Variants in NSG2 observed in about 807,000 individuals in gnomAD.
The protein encoded by NSG2 is neuronal vesicle trafficking associated 2.
Under a neutral mutation model 16.9 loss-of-function variants are expected in NSG2, and 4 were observed. The ratio of observed to expected loss-of-function variants is 0.24; its 90% CI spans 0.12 to 0.54. The LOEUF is 0.54. NSG2 is among the 20% of genes least tolerant of loss of function. NSG2 has a pLI of 0.95. For synonymous variants in NSG2, 98 were observed against 88.7 expected (o/e 1.11, Z -0.59); for missense variants, 179 against 221.1 (o/e 0.81, Z 1.21).
chr5:174,102,534 C>G (rs1760911487), intron 3 of NSG2, among the ~76,000 whole-genome samples: 1 of 152,118 alleles, frequency 6.6e-6, no homozygotes, highest in South Asian at 2.1e-4. Flanking sequence ...TTCCCTGCCC[C>G]CTTGTACATA....
At position 174,097,569 on chromosome 5, in the gene NSG2, CTGTG is replaced by C. The variant is rs554660734; in HGVS notation, c.214-6651_214-6648del. ...TGTCTGTATGTCTCTGTGTGTGTAA[CTGTG>C]TGTGTGTCTGTGTGTGTGTAACTGT... On this transcript the variant is annotated intron_variant, in intron 3 of 4. Coordinates refer to ENST00000303177, the MANE Select transcript of NSG2 (RefSeq NM_015980.5). 2.1e-5 allele frequency among the ~76,000 whole-genome samples: 3 copies of C among 142,000 alleles called. No homozygotes were observed. In the South Asian group the frequency reaches 6.7e-4, roughly 32 times the overall value. 93.2% of individuals were successfully genotyped at this position (142,000 alleles called of 152,430 possible). A position where few individuals can be genotyped will look rare whatever the true frequency, so the allele number is the denominator to read the frequency against.
intron 3 of NSG2, chr5:174,066,081 C>A: frequency 1.0e-5 from 4 of 382,472 alleles, no homozygotes; most frequent in South Asian, 5.7e-5. Context: ...GAAGCAGCTG[C>A]GTATGTGGCC....
Position 174,107,626 on chromosome 5 carries a change from C to A in NSG2, c.*121C>A. On this transcript the variant is annotated 3_prime_UTR_variant, in exon 5 of 5. Transcript: ENST00000303177. This position sits in a 1 kb window ranked among gnomAD's most constrained non-coding sequence, Gnocchi z 4.5. The stretch of plus-strand genomic sequence containing the variant: ...ATATGGGGGCGGGGGCGGGGCAGGG[C>A]AGGGTGGGGGGAAGAACGCACCAAA... The A allele has an allele frequency of 1.5e-6, 1 of 673,896 alleles. No homozygotes were observed. Among genetic ancestry groups the A allele is most frequent in the Non-Finnish European group, 2.5e-6 (1 of 397,464 alleles). 41.7% of individuals were successfully genotyped at this position (673,896 alleles called of 1,614,324 possible).
intron 3 of NSG2, among the ~76,000 whole-genome samples, chr5:174,071,691 G>T (rs1005364946): frequency 2.0e-5 from 3 of 152,268 alleles, no homozygotes; most frequent in African/African-American, 7.2e-5. Flanking sequence ...CCGCTGAATG[G>T]TCCCAGCACG....
intron 3 of NSG2, among the ~76,000 whole-genome samples, chr5:174,077,306 A>C (rs553753699): frequency 5.9e-5 from 9 of 152,310 alleles, no homozygotes; most frequent in African/African-American, 1.9e-4. Context: ...AGCCACAGTC[A>C]GAGTGTGTCT....
At chr5:174,073,161 A>G (rs907352090) in intron 3 of NSG2, among the ~76,000 whole-genome samples, 2 of 152,188 alleles carry the variant, frequency 1.3e-5, no homozygotes, top group Non-Finnish European at 2.9e-5. Flanking sequence ...CTGATAACAC[A>G]TCCTCATAAC....
At chr5:174,102,599 A>G (rs1760912974) in intron 3 of NSG2, among the ~76,000 whole-genome samples, 2 of 151,354 alleles carry the variant, frequency 1.3e-5, no homozygotes, top group South Asian at 4.2e-4. Flanking sequence ...TTAACCAATT[A>G]CTGGTTTCAG....
chr5:174,067,310 C>T (rs1760158772), intron 3 of NSG2, among the ~76,000 whole-genome samples: 1 of 151,822 alleles, frequency 6.6e-6, no homozygotes, highest in African/African-American at 2.4e-5. Context: ...CATGCTGACC[C>T]ACCAGCAAGT....
At position 174,108,815 on chromosome 5, in the gene NSG2, A is replaced by T. The variant is rs149356429; in HGVS notation, c.*1310A>T. 0.014 allele frequency: 2,142 copies of T among 152,824 alleles called. 25 individuals are homozygous for T. Among genetic ancestry groups the T allele is most frequent in the Non-Finnish European group, 0.02 (1,393 of 68,072 alleles). 9.5% of individuals were successfully genotyped at this position (152,824 alleles called of 1,614,324 possible). A position where few individuals can be genotyped will look rare whatever the true frequency, so the allele number is the denominator to read the frequency against. ...CAGCTGGGAGAATTGGTTATTTGAG[A>T]TGTGGTACTGCTTCCTCACAAGTCT... is the stretch of plus-strand genomic sequence containing the variant. On this transcript the variant is annotated 3_prime_UTR_variant, in exon 5 of 5. Transcript: ENST00000303177.
intron 3 of NSG2, 141 bp downstream of exon 3, chr5:174,064,456 C>A: frequency 1.9e-6 from 1 of 518,342 alleles, no homozygotes; most frequent in Non-Finnish European, 3.5e-6. Flanking sequence ...TGAAGCCATA[C>A]AGTCTGGCCA....
At chr5:174,069,794 T>C (rs1426965384) in intron 3 of NSG2, among the ~76,000 whole-genome samples, 1 of 151,984 alleles carries the variant, frequency 6.6e-6, no homozygotes, top group African/African-American at 2.4e-5. Flanking sequence ...AGCCAGTTCA[T>C]TGTCAGGATT....
intron 3 of NSG2, among the ~76,000 whole-genome samples, chr5:174,067,998 G>C (rs1176946391): frequency 6.6e-6 from 1 of 152,106 alleles, no homozygotes; most frequent in Non-Finnish European, 1.5e-5. Context: ...AATAGGTTTG[G>C]AGCTCAGGAT....
At position 174,104,212 on chromosome 5, in the gene NSG2, T is replaced by G; in HGVS notation, c.214-16T>G. ...GGCAGACTGAGGCTGGATGACTTAA[T>G]TTTGTATTCCTCCAGGTCACCATCC... On this transcript the variant is annotated splice_polypyrimidine_tract_variant and intron_variant, in intron 3 of 4. Transcript: ENST00000303177. The G allele has an allele frequency of 1.3e-6, 2 of 1,599,650 alleles. No homozygotes were observed. The highest frequency in any genetic ancestry group is 1.7e-6 in the Non-Finnish European group (2 of 1,166,818).
intron 3 of NSG2, among the ~76,000 whole-genome samples, chr5:174,076,341 A>G (rs1440593611): frequency 6.6e-6 from 1 of 151,510 alleles, no homozygotes; most frequent in Non-Finnish European, 1.5e-5. Flanking sequence ...TTAAAAAAGT[A>G]TTGTCATTAA....
intron 2 of NSG2, among the ~76,000 whole-genome samples, chr5:174,054,467 C>G (rs1039855228): frequency 6.6e-6 from 1 of 152,132 alleles, no homozygotes; most frequent in Non-Finnish European, 1.5e-5. Flanking sequence ...CCTGCAGTCG[C>G]GAACTCTTGG....
rs60742273 is a variant in NSG2, at chr5:174,081,887, CAAAAAAAAAAAA to C, written c.213+17582_213+17593del. 5.7e-5 allele frequency among the ~76,000 whole-genome samples: 4 copies of C among 70,200 alleles called. 1 individual carries two copies. The highest frequency in any genetic ancestry group is 4.7e-4 in the Admixed American group (3 of 6,324). 46.1% of individuals were successfully genotyped at this position (70,200 alleles called of 152,430 possible). On this transcript the variant is annotated intron_variant, in intron 3 of 4. Coordinates refer to ENST00000303177, the MANE Select transcript of NSG2 (RefSeq NM_015980.5). ...CCTGAGCAGCAGTGAGACTCCGACT[CAAAAAAAAAAAA>C]AAAAAAAAAGAGAGAGAATGTACAT...
At chr5:174,067,520 C>A (rs1469070141) in intron 3 of NSG2, among the ~76,000 whole-genome samples, 2 of 152,258 alleles carry the variant, frequency 1.3e-5, no homozygotes, top group Non-Finnish European at 2.9e-5. Context: ...GGTTCAGGGG[C>A]AGCCCTCTGT....
At chr5:174,100,194 C>G (rs1283117993) in intron 3 of NSG2, among the ~76,000 whole-genome samples, 3 of 152,336 alleles carry the variant, frequency 2.0e-5, no homozygotes, top group Non-Finnish European at 4.4e-5. Flanking sequence ...AGCAACCAGT[C>G]AGCATTAGAC....
rs893381018 is a variant in NSG2 at position 174,098,684 on chromosome 5, T to A, written c.214-5544T>A. On this transcript the variant is annotated intron_variant, in intron 3 of 4. Transcript: ENST00000303177. ...TCTTTGGTGAATTGCTCATTGAATG[T>A]CTCACTCTCTCCCTCCTGTGAACTC... Among the ~76,000 whole-genome samples, 9 of 152,198 alleles carry A rather than the reference T, an allele frequency of 5.9e-5. No individual in the cohort carries two copies. In the South Asian group the frequency reaches 1.9e-3, roughly 32 times the overall value.
Sources: allele counts gnomAD v4.1 joint callset (sites outside exome capture counted in the v4.1 genomes callset), GRCh38; gene constraint gnomAD v4.1.1; non-coding constraint Gnocchi (gnomAD v3.1); transcripts MANE v1.5; gene names NCBI Gene and HGNC (gene_info 2026-07-23, HGNC 2026-07-21).